EVA1C: variants seen among roughly 807,000 people sequenced by gnomAD.
EVA1C encodes protein eva-1 homolog C.
A neutral mutation model predicts 45.4 loss-of-function variants in EVA1C; 25 were observed. That is an observed-to-expected ratio of 0.55 (90% CI 0.40 to 0.77). The LOEUF is 0.77. Ranked by LOEUF, EVA1C falls within the 30% of genes least tolerant of loss-of-function variation. The pLI, the probability that EVA1C is intolerant of heterozygous loss-of-function variation, is 0.00. For synonymous variants in EVA1C, 190 were observed against 221.2 expected (o/e 0.86, Z 1.25); for missense variants, 479 against 554.8 (o/e 0.86, Z 1.37).
intron 1 of EVA1C, among the ~76,000 whole-genome samples, chr21:32,449,235 T>C (rs893387702): frequency 3.9e-5 from 6 of 152,164 alleles, no homozygotes; most frequent in African/African-American, 1.4e-4. Context: ...CCAGAGTCCA[T>C]AGTTTACATG....
At position 32,444,295 on chromosome 21, in the gene EVA1C, C is replaced by A. The variant is rs144591126; in HGVS notation, c.161-9017C>A. On this transcript the variant is annotated intron_variant, in intron 1 of 7. Transcript: ENST00000300255. ...TATCCCACAGAATGAGTCTCGGTCC[C>A]CAAGACTATTGCCCTTCTTCCCAGC... 5.1e-3 allele frequency among the ~76,000 whole-genome samples: 771 copies of A among 152,230 alleles called. 10 individuals carry two copies. The highest frequency in any genetic ancestry group is 0.029 in the Admixed American group (436 of 15,284).
At position 32,467,905 on chromosome 21, in the gene EVA1C, A is replaced by AATATATATATATATAT. The variant is rs34623485; in HGVS notation, c.634+58_634+73dup. On this transcript the variant is annotated intron_variant, in intron 4 of 7. Coordinates refer to ENST00000300255, the MANE Select transcript of EVA1C (RefSeq NM_058187.5). ...TTCTCTAGAGGGACAGAATTAATAGAATATATATATATATATCCTATATAT... is the reference window on the plus strand; with the variant it reads ...TTCTCTAGAGGGACAGAATTAATAGAATATATATATATATATATATATATATATATATCCTATATAT... 46 of 1,025,448 alleles carry AATATATATATATATAT rather than the reference A, an allele frequency of 4.5e-5. No individual in the cohort carries two copies. In the African/African-American group the frequency reaches 7.6e-4, roughly 17 times the overall value. The allele number at this position is 1,025,448 out of a possible 1,614,324, so 63.5% of individuals were successfully genotyped here.
At chr21:32,486,693 A>T (rs2036983109) in intron 4 of EVA1C, among the ~76,000 whole-genome samples, 1 of 152,340 alleles carries the variant, frequency 6.6e-6, no homozygotes, top group African/African-American at 2.4e-5. Flanking sequence ...AATATATTTG[A>T]CATACTCAAA....
At chr21:32,477,452 T>C (rs1172599163) in intron 4 of EVA1C, among the ~76,000 whole-genome samples, 1 of 152,132 alleles carries the variant, frequency 6.6e-6, no homozygotes. Context: ...AGGGATAGTG[T>C]AGTCTGGCAG....
chr21:32,507,392 G>A lies in EVA1C; in HGVS notation c.949+3377G>A, dbSNP rs116847928. ...TGTGTGTGTGCATGTGTGCATGTGC[G>A]TCTGTGAGCATGTGCATGTGTGTGT... On this transcript the variant is annotated intron_variant, in intron 7 of 7. Transcript: ENST00000300255. Among the ~76,000 whole-genome samples, 491 of 142,206 alleles carry A rather than the reference G, an allele frequency of 3.5e-3. 6 individuals carry two copies. The East Asian group carries it at 0.049, about 14-fold the overall frequency. 93.3% of individuals were successfully genotyped at this position (142,206 alleles called of 152,430 possible).
chr21:32,464,783 C>T (rs1018431205), intron 3 of EVA1C, among the ~76,000 whole-genome samples: 2 of 152,064 alleles, frequency 1.3e-5, no homozygotes, highest in African/African-American at 4.8e-5. Context: ...GATTGCACCC[C>T]CCGCACTCCA....
rs1315042440 is a variant in EVA1C, at chr21:32,501,496, G to C, written c.859+1G>C. On this transcript the variant is annotated splice_donor_variant, in intron 6 of 7. Transcript: ENST00000300255. LOFTEE classifies it high-confidence loss of function. ...TTGAAGCAGAAAGATGGTGAATATG[G>C]TAATTTTTATGGCTTACTACCAGCA... 1 of 1,594,886 alleles carries C rather than the reference G, an allele frequency of 6.3e-7. No homozygotes were observed. The highest frequency in any genetic ancestry group is 1.3e-5 in the African/African-American group (1 of 74,736).
At chr21:32,503,753 A>G (rs775871117) in intron 6 of EVA1C, among the ~76,000 whole-genome samples, 173 bp from the exon 7 acceptor site, 1 of 152,072 alleles carries the variant, frequency 6.6e-6, no homozygotes, top group Non-Finnish European at 1.5e-5. Flanking sequence ...TTACTATTTA[A>G]TAAGTGCTCT....
intron 1 of EVA1C, chr21:32,453,062 AC>A: frequency 2.4e-6 from 1 of 422,970 alleles, no homozygotes. Context: ...CTCGCCAGGG[AC>A]CCCACCCTTC....
chr21:32,430,063 G>A (rs1242931176), intron 1 of EVA1C, among the ~76,000 whole-genome samples: 1 of 152,176 alleles, frequency 6.6e-6, no homozygotes, highest in African/African-American at 2.4e-5. Flanking sequence ...GACTAGGGCA[G>A]GGCAGAGGGG....
intron 7 of EVA1C, among the ~76,000 whole-genome samples, chr21:32,514,266 T>C: frequency 6.6e-6 from 1 of 152,224 alleles, no homozygotes; most frequent in East Asian, 1.9e-4. Flanking sequence ...TAAGTTTTGC[T>C]AACATCTATT....
At chr21:32,420,981 T>TA (rs1253238155) in intron 1 of EVA1C, among the ~76,000 whole-genome samples, 1 of 152,224 alleles carries the variant, frequency 6.6e-6, no homozygotes, top group African/African-American at 2.4e-5. Context: ...TCCCAGGACT[T>TA]ACATAAGTAA....
chr21:32,471,274 C>T (rs1053910175), intron 4 of EVA1C, among the ~76,000 whole-genome samples: 1 of 151,802 alleles, frequency 6.6e-6, no homozygotes, highest in Non-Finnish European at 1.5e-5. Flanking sequence ...CATTGTGGAT[C>T]TACGTCTTCT....
chr21:32,507,829 ATGTGTGTGCATG>A, intron 7 of EVA1C, among the ~76,000 whole-genome samples: 1 of 145,182 alleles, frequency 6.9e-6, no homozygotes, highest in Non-Finnish European at 1.5e-5. Context: ...TGTGTGTTGC[ATGTGTGTGCATG>A]TGTCTGTATG....
In EVA1C at chr21:32,458,083, G is replaced by A. The variant is rs754586363; in HGVS notation, c.481+363G>A. ...GGAGCTGGTTCTGCGTTTCAGAGGTGTCTTGTGCTGAGATTGAGAGGCTGC... is the reference window on the plus strand; with the variant it reads ...GGAGCTGGTTCTGCGTTTCAGAGGTATCTTGTGCTGAGATTGAGAGGCTGC... On this transcript the variant is annotated intron_variant, in intron 3 of 7. Transcript: ENST00000300255. 4.6e-5 allele frequency among the ~76,000 whole-genome samples: 7 copies of A among 152,306 alleles called. No homozygotes were observed. In the East Asian group the frequency reaches 9.6e-4, roughly 21 times the overall value.
At chr21:32,471,451 A>AGG in intron 4 of EVA1C, among the ~76,000 whole-genome samples, 2 of 146,552 alleles carry the variant, frequency 1.4e-5, no homozygotes, top group Non-Finnish European at 3.0e-5. Context: ...TCAGCCTCCC[A>AGG]AGTAGCTGGG....
chr21:32,499,466 T>C (rs1295966206), intron 5 of EVA1C, among the ~76,000 whole-genome samples: 1 of 152,092 alleles, frequency 6.6e-6, no homozygotes, highest in African/African-American at 2.4e-5. Flanking sequence ...CCCTGGAAAG[T>C]CTCCCTTGCT....
chr21:32,473,126 G>A (rs2036435759), intron 4 of EVA1C, among the ~76,000 whole-genome samples: 1 of 152,228 alleles, frequency 6.6e-6, no homozygotes, highest in Non-Finnish European at 1.5e-5. Flanking sequence ...GCAGAACCAC[G>A]CATGCGTGTG....
intron 6 of EVA1C, among the ~76,000 whole-genome samples, chr21:32,503,574 G>A (rs1342274882): frequency 8.7e-6 from 1 of 114,362 alleles, no homozygotes; most frequent in East Asian, 2.2e-4. Context: ...ATAAAATAAA[G>A]CGAGATATTA....
Sources: allele counts gnomAD v4.1 joint callset (sites outside exome capture counted in the v4.1 genomes callset), GRCh38; gene constraint gnomAD v4.1.1; transcripts MANE v1.5; gene names NCBI Gene and HGNC (gene_info 2026-07-23, HGNC 2026-07-21).